C20orf203: variants seen among roughly 807,000 people sequenced by gnomAD.
C20orf203 encodes chromosome 20 open reading frame 203, also known as uncharacterized protein C20orf203.
C20orf203 carries 16 observed loss-of-function variants against 15.9 expected under a neutral mutation model. That is an observed-to-expected ratio of 1.01 (90% CI 0.68 to 1.53). The LOEUF (loss-of-function observed/expected upper bound fraction) is 1.53, where lower values mean the gene tolerates loss of function less well. Among genes scored for constraint, C20orf203 ranks in the 40% most tolerant of loss-of-function variants. The probability of loss-of-function intolerance (pLI) is 0.00; values close to 1 mark genes in which losing one functional copy is unlikely to be tolerated. For synonymous variants in C20orf203, 98 were observed against 97.2 expected, an observed-to-expected ratio of 1.01 and a Z score of -0.05; for missense variants, 263 against 247.5, an observed-to-expected ratio of 1.06 and a Z score of -0.42.
chr20:32,671,707 C>T (rs896039821), intron 1 of C20orf203, among the ~76,000 whole-genome samples: 1 of 151,666 alleles, frequency 6.6e-6, no homozygotes, highest in East Asian at 1.9e-4. Flanking sequence ...GGCGTGGTGG[C>T]GCACACCTAT....
chr20:32,642,788 G>A (rs911096142), intron 4 of C20orf203, among the ~76,000 whole-genome samples: 5 of 152,180 alleles, frequency 3.3e-5, no homozygotes, highest in African/African-American at 1.2e-4. Flanking sequence ...CCCAGCTCTG[G>A]ATTCTGACTA....
At chr20:32,661,045 GC>G in intron 1 of C20orf203, among the ~76,000 whole-genome samples, 1 of 152,202 alleles carries the variant, frequency 6.6e-6, no homozygotes, top group Non-Finnish European at 1.5e-5. Context: ...TGGGGACACA[GC>G]CAAACCATAT....
chr20:32,671,013 T>A (rs1409596324), intron 1 of C20orf203, among the ~76,000 whole-genome samples: 2 of 144,798 alleles, frequency 1.4e-5, no homozygotes, highest in East Asian at 2.1e-4. Flanking sequence ...TGCCATTATT[T>A]AAAAAAAAAA....
At position 32,650,216 on chromosome 20, in the gene C20orf203, G is replaced by A. The variant is rs1982564720; in HGVS notation, c.*216C>T. 5.4e-6 allele frequency: 3 copies of A among 558,840 alleles called. No individual in the cohort carries two copies. The highest frequency in any genetic ancestry group is 4.8e-4 in the Middle Eastern group (1 of 2,072). The allele number at this position is 558,840 out of a possible 1,614,324, so 34.6% of individuals were successfully genotyped here. On this transcript the variant is annotated 3_prime_UTR_variant, in exon 4 of 6. Transcript: ENST00000608990. ...CGGGGTTCTACCCAGAGCCAGCCTG[G>A]CACAGCCTCGGTCCCTAATCATGTT...
At chr20:32,661,667 C>T (rs1411389913) in intron 1 of C20orf203, among the ~76,000 whole-genome samples, 1 of 151,864 alleles carries the variant, frequency 6.6e-6, no homozygotes, top group Non-Finnish European at 1.5e-5. Context: ...TTCCTGGGGA[C>T]TAAATCAGGG....
At chr20:32,660,791 A>T (rs539657559) in intron 1 of C20orf203, among the ~76,000 whole-genome samples, 1 of 152,354 alleles carries the variant, frequency 6.6e-6, no homozygotes, top group South Asian at 2.1e-4. Flanking sequence ...GGAAGGCCTC[A>T]GCAAACTTAC....
intron 5 of C20orf203, among the ~76,000 whole-genome samples, chr20:32,637,147 C>G (rs776331285): frequency 6.6e-6 from 1 of 152,222 alleles, no homozygotes; most frequent in African/African-American, 2.4e-5. Flanking sequence ...CAATGGCTCA[C>G]GCCTGTAATC....
At position 32,650,301 on chromosome 20, in the gene C20orf203, C is replaced by A; in HGVS notation, c.*131G>T. The A allele has an allele frequency of 1.5e-6, 1 of 670,180 alleles. No individual in the cohort carries two copies. Among genetic ancestry groups the A allele is most frequent in the South Asian group, 1.9e-5 (1 of 52,484 alleles). The allele number at this position is 670,180 out of a possible 1,614,324, so 41.5% of individuals were successfully genotyped here. On this transcript the variant is annotated 3_prime_UTR_variant, in exon 4 of 6. Transcript: ENST00000608990. ...GAATCTCCTTGAGGTTTCAGCTGGG[C>A]GTGCCGGGCCCATCCCCCACTCTGG...
intron 1 of C20orf203, among the ~76,000 whole-genome samples, chr20:32,666,155 T>TAAAAAAAAAAAAAAAAAAAGA (rs1983016339): frequency 9.7e-6 from 1 of 102,776 alleles, no homozygotes; most frequent in Non-Finnish European, 1.9e-5. Context: ...ATAAATAAAG[T>TAAAAAAAAAAAAAAAAAAAGA]AAAAAAAAAA....
intron 2 of C20orf203, among the ~76,000 whole-genome samples, chr20:32,651,415 G>A (rs1982625639): frequency 6.6e-6 from 1 of 151,984 alleles, no homozygotes. Context: ...GATTCTTACA[G>A]GGTGGACAAG....
intron 1 of C20orf203, among the ~76,000 whole-genome samples, chr20:32,662,530 C>T (rs891406974): frequency 5.3e-5 from 8 of 152,166 alleles, no homozygotes; most frequent in East Asian, 1.9e-4. Context: ...GAACCCGAGA[C>T]GGAGTTGCGG....
At chr20:32,644,534 C>A (rs1982369962) in intron 4 of C20orf203, among the ~76,000 whole-genome samples, 1 of 152,124 alleles carries the variant, frequency 6.6e-6, no homozygotes, top group South Asian at 2.1e-4. Context: ...CCAGCCCAGC[C>A]TCAGGCAAGG....
intron 1 of C20orf203, among the ~76,000 whole-genome samples, chr20:32,669,671 C>T (rs1465905269): frequency 2.0e-5 from 3 of 152,096 alleles, no homozygotes; most frequent in South Asian, 2.1e-4. Flanking sequence ...CAAAATGGAT[C>T]GAAGACTTAA....
chr20:32,647,132 C>T (rs1448518451), intron 4 of C20orf203, among the ~76,000 whole-genome samples: 1 of 152,194 alleles, frequency 6.6e-6, no homozygotes, highest in African/African-American at 2.4e-5. Flanking sequence ...CAGTGGCTCA[C>T]ACCTGTAATC....
At chr20:32,668,367 T>C (rs1259829364) in intron 1 of C20orf203, among the ~76,000 whole-genome samples, 2 of 152,152 alleles carry the variant, frequency 1.3e-5, no homozygotes, top group Non-Finnish European at 2.9e-5. Context: ...GGCTCACATC[T>C]GTAATCTCAG....
intron 1 of C20orf203, among the ~76,000 whole-genome samples, chr20:32,665,863 G>A (rs1055140031): frequency 5.9e-5 from 9 of 152,150 alleles, no homozygotes; most frequent in African/African-American, 2.2e-4. Flanking sequence ...TTGAACCCGA[G>A]AGGCAGAGCT....
intron 5 of C20orf203, among the ~76,000 whole-genome samples, chr20:32,636,654 C>T (rs745956170): frequency 6.6e-6 from 1 of 152,172 alleles, no homozygotes; most frequent in Non-Finnish European, 1.5e-5. Flanking sequence ...CTGCGCCCCC[C>T]ATGTGCTGCT....
At chr20:32,643,725 G>T (rs1196971743) in intron 4 of C20orf203, among the ~76,000 whole-genome samples, 3 of 151,550 alleles carry the variant, frequency 2.0e-5, no homozygotes, top group South Asian at 4.2e-4. Flanking sequence ...TGTTTGCGTT[G>T]TTTCTCAAAT....
chr20:32,651,168 TAAA>T lies in C20orf203; in HGVS notation c.-14-5_-14-3del, dbSNP rs11313159. On this transcript the variant is annotated splice_polypyrimidine_tract_variant and splice_region_variant and intron_variant, in intron 2 of 5. Coordinates refer to ENST00000608990, the MANE Select transcript of C20orf203 (RefSeq NM_182584.4). ...TAGGAAACATAGGAGACCCTCTCTC[TAAA>T]AAAAAAAAAAAAAAAAAAAAAATTA... The T allele has an allele frequency of 0.059, 16,932 of 286,846 alleles. No individual in the cohort carries two copies. Among genetic ancestry groups the T allele is most frequent in the Middle Eastern group, 0.095 (110 of 1,164 alleles). The allele number at this position is 286,846 out of a possible 1,614,324, so 17.8% of individuals were successfully genotyped here. A position where few individuals can be genotyped will look rare whatever the true frequency, so the allele number is the denominator to read the frequency against.
Sources: gnomAD v4.1 joint callset for allele counts (sites outside exome capture counted in the v4.1 genomes callset) on GRCh38, gnomAD v4.1.1 for gene constraint, MANE v1.5 for transcripts, NCBI Gene and HGNC (gene_info 2026-07-23, HGNC 2026-07-21) for gene names.